PELI2: variants seen among roughly 807,000 people sequenced by gnomAD.
The protein encoded by PELI2 is E3 ubiquitin-protein ligase pellino homolog 2.
Under a neutral mutation model 42.3 loss-of-function variants are expected in PELI2, and 23 were observed. That is an observed-to-expected ratio of 0.54 (90% CI 0.39 to 0.77). The LOEUF is 0.77. Ranked by LOEUF, PELI2 falls within the 30% of genes least tolerant of loss-of-function variation. The pLI, the probability that PELI2 is intolerant of heterozygous loss-of-function variation, is 0.00. For synonymous variants in PELI2, 245 were observed against 212.2 expected (o/e 1.15, Z -1.34); for missense variants, 463 against 553.2 (o/e 0.84, Z 1.64).
intron 1 of PELI2, among the ~76,000 whole-genome samples, chr14:56,157,181 G>A (rs768034515): frequency 1.1e-4 from 17 of 152,158 alleles, no homozygotes; most frequent in Non-Finnish European, 2.1e-4. Context: ...TGTAACACTG[G>A]AGAGTTGGTT....
At chr14:56,191,417 G>C (rs1266987370) in intron 2 of PELI2, among the ~76,000 whole-genome samples, 2 of 152,208 alleles carry the variant, frequency 1.3e-5, no homozygotes, top group Admixed American at 1.3e-4. Context: ...TCCTCAGGTG[G>C]GAAAATGCAG....
intron 1 of PELI2, among the ~76,000 whole-genome samples, chr14:56,166,656 A>G (rs548616425): frequency 1.3e-5 from 2 of 151,894 alleles, no homozygotes; most frequent in East Asian, 3.9e-4. Context: ...TCTAGGGTAA[A>G]GTTTTTTTCC....
intron 1 of PELI2, among the ~76,000 whole-genome samples, chr14:56,143,899 A>G (rs967946115): frequency 1.3e-5 from 2 of 152,110 alleles, no homozygotes; most frequent in African/African-American, 4.8e-5. Flanking sequence ...TTGGAAGATG[A>G]TATTTAGAAG....
At chr14:56,280,253 T>C (rs1889433294) in intron 3 of PELI2, among the ~76,000 whole-genome samples, 1 of 151,792 alleles carries the variant, frequency 6.6e-6, no homozygotes, top group South Asian at 2.1e-4. Context: ...AGAAAGAAGA[T>C]CAAGGGACTA....
At chr14:56,199,078 G>GT (rs1348358864) in intron 2 of PELI2, among the ~76,000 whole-genome samples, 3 of 152,118 alleles carry the variant, frequency 2.0e-5, no homozygotes, top group African/African-American at 7.2e-5. Flanking sequence ...ATTTTCTTAA[G>GT]TTTTATTAAT....
intron 2 of PELI2, among the ~76,000 whole-genome samples, chr14:56,190,107 A>G (rs1040681275): frequency 6.6e-6 from 1 of 152,182 alleles, no homozygotes; most frequent in African/African-American, 2.4e-5. Context: ...TTTCATATGA[A>G]TAGTTATATT....
chr14:56,218,677 CTGTGTGCATGCACGCACA>C (rs1337417294), intron 2 of PELI2, among the ~76,000 whole-genome samples: 2 of 151,920 alleles, frequency 1.3e-5, no homozygotes, highest in Non-Finnish European at 2.9e-5. Flanking sequence ...AGATCCAAGA[CTGTGTGCATGCACGCACA>C]TGTGTGCGTG....
chr14:56,248,640 GC>G (rs1181650010), intron 2 of PELI2, among the ~76,000 whole-genome samples: 1 of 152,070 alleles, frequency 6.6e-6, no homozygotes, highest in Non-Finnish European at 1.5e-5. Flanking sequence ...CCATGAGGAG[GC>G]CGGATCCTGG....
At chr14:56,127,727 T>A (rs1242420510) in intron 1 of PELI2, among the ~76,000 whole-genome samples, 1 of 152,168 alleles carries the variant, frequency 6.6e-6, no homozygotes, top group Non-Finnish European at 1.5e-5. Context: ...ATGAAAACAT[T>A]CCTCTAGTAG....
intron 1 of PELI2, among the ~76,000 whole-genome samples, chr14:56,176,509 T>TC (rs1459477653): frequency 6.6e-6 from 1 of 151,876 alleles, no homozygotes; most frequent in Non-Finnish European, 1.5e-5. Flanking sequence ...TTTAACATGC[T>TC]CCCCCTAACT....
At chr14:56,147,890 T>C (rs2139615731) in intron 1 of PELI2, among the ~76,000 whole-genome samples, 1 of 152,354 alleles carries the variant, frequency 6.6e-6, no homozygotes, top group South Asian at 2.1e-4. Context: ...GTCTGACAGG[T>C]TGTCTTGGAA....
At position 56,172,901 on chromosome 14, in the gene PELI2, A is replaced by T. The variant is rs140454291; in HGVS notation, c.78-5434A>T. Among the ~76,000 whole-genome samples, 28 of 152,296 alleles carry T rather than the reference A, an allele frequency of 1.8e-4. No homozygotes were observed. In the East Asian group the frequency reaches 5.0e-3, roughly 27 times the overall value. ...TGTTGAAATTCTTTGGTCTTTGGCG[A>T]TATAACTTTTTCCTGGTCCTGGTCC... On this transcript the variant is annotated intron_variant, in intron 1 of 5. Coordinates refer to ENST00000267460, the MANE Select transcript of PELI2 (RefSeq NM_021255.3).
At chr14:56,270,008 C>T (rs1452937569) in intron 2 of PELI2, among the ~76,000 whole-genome samples, 1 of 152,206 alleles carries the variant, frequency 6.6e-6, no homozygotes. Context: ...ACAGACTCTC[C>T]TCACATATTC....
chr14:56,261,753 A>G (rs998464747), intron 2 of PELI2, among the ~76,000 whole-genome samples: 4 of 152,236 alleles, frequency 2.6e-5, no homozygotes, highest in Admixed American at 6.5e-5. Flanking sequence ...GCCTTGAAAA[A>G]GCACTAACTA....
intron 2 of PELI2, among the ~76,000 whole-genome samples, chr14:56,214,494 C>T (rs1566641723): frequency 6.6e-6 from 1 of 152,148 alleles, no homozygotes. Flanking sequence ...ATCTCTCTTC[C>T]TCTCCCAGCC....
chr14:56,227,504 G>C (rs1218740804), intron 2 of PELI2, among the ~76,000 whole-genome samples: 2 of 152,206 alleles, frequency 1.3e-5, no homozygotes, highest in African/African-American at 4.8e-5. Context: ...ATGCTGTGGT[G>C]GTAGTTTTGA....
chr14:56,291,231 GA>G (rs1049128572), intron 5 of PELI2, among the ~76,000 whole-genome samples: 3 of 152,098 alleles, frequency 2.0e-5, no homozygotes, highest in African/African-American at 7.2e-5. Flanking sequence ...TCTTTTTCTA[GA>G]AGCTAGAAAA....
intron 2 of PELI2, among the ~76,000 whole-genome samples, chr14:56,254,587 A>G (rs899967576): frequency 6.6e-6 from 1 of 152,192 alleles, no homozygotes; most frequent in African/African-American, 2.4e-5. Flanking sequence ...GTGGGCAAAG[A>G]CTTCATGACT....
At chr14:56,166,707 G>A (rs1884976771) in intron 1 of PELI2, among the ~76,000 whole-genome samples, 1 of 151,792 alleles carries the variant, frequency 6.6e-6, no homozygotes, top group Non-Finnish European at 1.5e-5. Context: ...TGGCCTCTGA[G>A]GTTTCCACTG....
Sources: allele counts gnomAD v4.1 joint callset (sites outside exome capture counted in the v4.1 genomes callset), GRCh38; gene constraint gnomAD v4.1.1; transcripts MANE v1.5; gene names NCBI Gene and HGNC (gene_info 2026-07-23, HGNC 2026-07-21).